VGLL4: variants seen among roughly 807,000 people sequenced by gnomAD.
VGLL4 encodes vestigial like family member 4, also known as transcription cofactor vestigial-like protein 4.
Under a neutral mutation model 21.0 loss-of-function variants are expected in VGLL4, and 7 were observed. The ratio of observed to expected loss-of-function variants is 0.33; its 90% CI spans 0.19 to 0.63. The LOEUF (loss-of-function observed/expected upper bound fraction) is 0.63, where lower values mean the gene tolerates loss of function less well. Ranked by LOEUF, VGLL4 falls within the 20% of genes least tolerant of loss-of-function variation. The pLI, the probability that VGLL4 is intolerant of heterozygous loss-of-function variation, is 0.78. For synonymous variants in VGLL4, 222 were observed against 173.2 expected, an observed-to-expected ratio of 1.28 and a Z score of -2.21; for missense variants, 394 against 425.7, an observed-to-expected ratio of 0.93 and a Z score of 0.66.
intron 1 of VGLL4, among the ~76,000 whole-genome samples, chr3:11,622,998 A>G (rs1309182444): frequency 2.0e-5 from 3 of 152,182 alleles, no homozygotes; most frequent in Non-Finnish European, 2.9e-5. Context: ...AAATATCTTA[A>G]ATAGCTGAGG....
chr3:11,643,840 C>T lies in VGLL4; in HGVS notation c.-322G>A. On this transcript the variant is annotated 5_prime_UTR_variant, in exon 1 of 5. Transcript: ENST00000430365. ...AAGAGTGAAAAAGAGAAACGCGCAG[C>T]CCGTTTCCTAGGACAAAGCGGCGCC... The T allele has an allele frequency of 9.4e-7, 1 of 1,062,686 alleles. No homozygotes were observed. The highest frequency in any genetic ancestry group is 3.3e-5 in the South Asian group (1 of 30,744). The allele number at this position is 1,062,686 out of a possible 1,614,324, so 65.8% of individuals were successfully genotyped here.
At chr3:11,589,282 C>A (rs930253365) in intron 2 of VGLL4, among the ~76,000 whole-genome samples, 1 of 151,934 alleles carries the variant, frequency 6.6e-6, no homozygotes, top group Non-Finnish European at 1.5e-5. Flanking sequence ...GCTATGGAGG[C>A]GGGGAGAGGT....
rs143016111 is a variant in VGLL4, at chr3:11,698,847, G to A, written c.64+4124C>T. ...CATACTGAAGCCTTAATACTATCAG[G>A]TATTATAGACTCAAGTCATAATAGG... On this transcript the variant is annotated intron_variant, in intron 2 of 5. Transcript: ENST00000273038. 1.3e-4 allele frequency among the ~76,000 whole-genome samples: 20 copies of A among 152,164 alleles called. No individual in the cohort carries two copies. In the East Asian group the frequency reaches 3.9e-3, roughly 29 times the overall value.
At position 11,560,690 on chromosome 3, in the gene VGLL4, G is replaced by T. The variant is rs960958681; in HGVS notation, c.496-1235C>A. Reference sequence around the variant, plus strand: ...CAAGAAGCGACACATGCCAGGGTAGGGGGGGATGTGGCTTAGCAACAGCAG... The same window carrying T: ...CAAGAAGCGACACATGCCAGGGTAGTGGGGGATGTGGCTTAGCAACAGCAG... On this transcript the variant is annotated intron_variant, in intron 3 of 4. Transcript: ENST00000430365. 2.6e-5 allele frequency among the ~76,000 whole-genome samples: 4 copies of T among 152,140 alleles called. No homozygotes were observed. In the East Asian group the frequency reaches 5.8e-4, roughly 22 times the overall value.
intron 1 of VGLL4, among the ~76,000 whole-genome samples, chr3:11,707,856 C>T (rs562171115): frequency 5.3e-5 from 8 of 152,308 alleles, no homozygotes; most frequent in African/African-American, 1.9e-4. Context: ...GAGACCCCAT[C>T]TGTAAAAAAC....
chr3:11,668,810 A>G (rs1465194849), intron 2 of VGLL4, among the ~76,000 whole-genome samples: 1 of 152,248 alleles, frequency 6.6e-6, no homozygotes, highest in Non-Finnish European at 1.5e-5. Context: ...TTACCTTCTC[A>G]GAGGGAAACT....
chr3:11,582,232 TG>T, intron 2 of VGLL4: 1 of 1,585,664 alleles, frequency 6.3e-7, no homozygotes, highest in Non-Finnish European at 8.6e-7. Flanking sequence ...GGTTGCCATC[TG>T]GTTTGAAAAA....
At position 11,680,387 on chromosome 3, in the gene VGLL4, G is replaced by T. The variant is rs572816141; in HGVS notation, c.64+22584C>A. On this transcript the variant is annotated intron_variant, in intron 2 of 5. Coordinates refer to the VGLL4 transcript ENST00000273038. ...ACCACCAAATTTACATCTACTCAGAGAAATAATTATATTCAATTTAAAATT... is the reference window on the plus strand; with the variant it reads ...ACCACCAAATTTACATCTACTCAGATAAATAATTATATTCAATTTAAAATT... Among the ~76,000 whole-genome samples, 29 of 152,228 alleles carry T rather than the reference G, an allele frequency of 1.9e-4. No individual in the cohort carries two copies. The South Asian group carries it at 5.8e-3, about 30-fold the overall frequency.
At chr3:11,679,664 C>G (rs1317147745) in intron 2 of VGLL4, among the ~76,000 whole-genome samples, 1 of 151,954 alleles carries the variant, frequency 6.6e-6, no homozygotes, top group Middle Eastern at 3.2e-3. Flanking sequence ...GCCTGGGCGA[C>G]AGAGCAACAC....
intron 1 of VGLL4, among the ~76,000 whole-genome samples, chr3:11,630,097 C>T (rs375234956): frequency 3.9e-5 from 6 of 152,174 alleles, no homozygotes; most frequent in African/African-American, 1.4e-4. Context: ...CCTCCCCTGA[C>T]AATACCAAAA....
chr3:11,566,916 G>C (rs1327667088), intron 2 of VGLL4, among the ~76,000 whole-genome samples: 1 of 152,194 alleles, frequency 6.6e-6, no homozygotes, highest in South Asian at 2.1e-4. Flanking sequence ...GCATATGGGT[G>C]ACCGTGTAAG....
upstream of VGLL4, among the ~76,000 whole-genome samples, chr3:11,648,543 T>C (rs2075825583): frequency 6.6e-6 from 1 of 152,160 alleles, no homozygotes; most frequent in Admixed American, 6.6e-5. Context: ...GATGTAGAAT[T>C]TGATTGAGAA....
At chr3:11,571,501 T>C (rs566179508) in intron 2 of VGLL4, among the ~76,000 whole-genome samples, 3 of 151,840 alleles carry the variant, frequency 2.0e-5, no homozygotes, top group Admixed American at 6.6e-5. Flanking sequence ...CTGGGCAACA[T>C]GGCAAAACCC....
chr3:11,657,009 G>C (rs1173515565), intron 2 of VGLL4, among the ~76,000 whole-genome samples: 1 of 152,182 alleles, frequency 6.6e-6, no homozygotes, highest in Non-Finnish European at 1.5e-5. Context: ...CTGGAGCTGA[G>C]AGCAGTGACG....
intron 1 of VGLL4, among the ~76,000 whole-genome samples, chr3:11,632,192 A>T (rs1414469203): frequency 6.6e-6 from 1 of 152,156 alleles, no homozygotes; most frequent in Non-Finnish European, 1.5e-5. Flanking sequence ...ACGCACCTGT[A>T]GTCCCAGCTA....
rs549966249 is a variant in VGLL4 at position 11,566,793 on chromosome 3, C to T, written c.273-1774G>A. Among the ~76,000 whole-genome samples the T allele has an allele frequency of 3.9e-5, 6 of 152,284 alleles. No homozygotes were observed. The South Asian group carries it at 8.3e-4, about 21-fold the overall frequency. ...CCACCGTCAATGATCTCTTCGTCTA[C>T]GCACCCGCCCCTCCTCACACACGGC... On this transcript the variant is annotated intron_variant, in intron 2 of 4. Transcript: ENST00000430365.
At chr3:11,656,504 G>A (rs2075961033) in intron 2 of VGLL4, among the ~76,000 whole-genome samples, 1 of 152,188 alleles carries the variant, frequency 6.6e-6, no homozygotes, top group Non-Finnish European at 1.5e-5. Flanking sequence ...TGCAGAAGGG[G>A]CTGGCAGAGC....
intron 2 of VGLL4, among the ~76,000 whole-genome samples, chr3:11,567,997 C>T (rs1182718317): frequency 6.6e-6 from 1 of 152,158 alleles, no homozygotes; most frequent in South Asian, 2.1e-4. Context: ...ACTCAACCAG[C>T]GCTAGTTAAG....
At chr3:11,640,984 G>T (rs755989207) in intron 1 of VGLL4, among the ~76,000 whole-genome samples, 12 of 151,980 alleles carry the variant, frequency 7.9e-5, no homozygotes, top group Non-Finnish European at 7.4e-5. Context: ...GGGCATGGTG[G>T]CAGGCACCTG....
Sources: allele counts gnomAD v4.1 joint callset (sites outside exome capture counted in the v4.1 genomes callset), GRCh38; gene constraint gnomAD v4.1.1; transcripts MANE v1.5; gene names NCBI Gene and HGNC (gene_info 2026-07-23, HGNC 2026-07-21).